PACS2: variants seen among roughly 807,000 people sequenced by gnomAD.
The protein encoded by PACS2 is PACS1-like protein.
PACS2 carries 36 observed loss-of-function variants against 113.0 expected under a neutral mutation model. The observed-to-expected ratio is 0.32, with a 90% CI of 0.24 to 0.42. The LOEUF (loss-of-function observed/expected upper bound fraction) is 0.42, where lower values mean the gene tolerates loss of function less well. Among genes scored for constraint, PACS2 ranks in the 10% least tolerant of loss-of-function variants. The probability of loss-of-function intolerance (pLI) is 1.00; values close to 1 mark genes in which losing one functional copy is unlikely to be tolerated. For missense variants in PACS2, 1,015 were observed against 1,239.5 expected (o/e 0.82, Z 2.72); for synonymous variants, 589 against 536.1 (o/e 1.10, Z -1.36).
At position 105,392,631 on chromosome 14, in the gene PACS2, C is replaced by T. The variant is rs142204036; in HGVS notation, c.2268C>T (p.Gly756=). 15 of 1,607,362 alleles carry T rather than the reference C, an allele frequency of 9.3e-6. No homozygotes were observed. The African/African-American group carries it at 1.5e-4, about 16-fold the overall frequency. Residue 756 remains glycine, a synonymous_variant, in exon 23 of 25, where the codon GGC becomes GGT. Coordinates refer to ENST00000447393, the MANE Select transcript of PACS2 (RefSeq NM_001100913.3). ...CTGCCTTTCCCAGCCAGGGTGTCGG[C>T]GCCGAGCTGATGGGGCTGCAGGTGG... ...GGLSSPSQGV[G]AELMGLQVDY...
intron 1 of PACS2, among the ~76,000 whole-genome samples, chr14:105,302,274 G>T (rs1283998871): frequency 6.6e-6 from 1 of 150,550 alleles, no homozygotes; most frequent in Non-Finnish European, 1.5e-5. Flanking sequence ...TGAGATATCG[G>T]CTCACTGCAA....
intron 1 of PACS2, among the ~76,000 whole-genome samples, chr14:105,303,495 G>A (rs903196347): frequency 7.2e-5 from 11 of 152,126 alleles, no homozygotes; most frequent in African/African-American, 2.7e-4. Context: ...CACCTGTCTC[G>A]CCCTCCCAAA....
Position 105,392,692 on chromosome 14 carries a change from A to C in PACS2, c.2329A>C (p.Arg777=). The change falls in exon 23 of 25, where the codon AGG becomes CGG. Residue 777 remains arginine (R), a synonymous_variant. Transcript: ENST00000447393. ...GGCAGCACAGCCTGCGGACAGGAAG[A>C]GGGACGCCGAGAAGAAGGACCTGCC... ...WTAAQPADRK[R]DAEKKDLPVT... is the part of the protein sequence containing the mutation. 1 of 1,612,848 alleles carries C rather than the reference A, an allele frequency of 6.2e-7. No homozygotes were observed. Among genetic ancestry groups the C allele is most frequent in the Non-Finnish European group, 8.5e-7 (1 of 1,179,942 alleles).
chr14:105,391,281 T>C, intron 21 of PACS2, 32 bp downstream of exon 21: 1 of 1,571,996 alleles, frequency 6.4e-7, no homozygotes, highest in South Asian at 1.1e-5. Context: ...GCCTTGTGAG[T>C]GGCCCGTGGG....
intron 6 of PACS2, 81 bp from the exon 7 acceptor site, chr14:105,368,378 A>G: frequency 8.9e-7 from 1 of 1,118,866 alleles, no homozygotes; most frequent in Non-Finnish European, 1.4e-6. Flanking sequence ...GGCCTCTCCC[A>G]TCGCCCACGC....
At chr14:105,322,736 C>G (rs1797414769) in intron 1 of PACS2, among the ~76,000 whole-genome samples, 1 of 152,146 alleles carries the variant, frequency 6.6e-6, no homozygotes, top group South Asian at 2.1e-4. Context: ...GATGTTGTTA[C>G]TGCTTTATAC....
At chr14:105,379,568 G>T (rs1555411362) in intron 9 of PACS2, among the ~76,000 whole-genome samples, 171 bp from the exon 10 acceptor site, 1 of 152,202 alleles carries the variant, frequency 6.6e-6, no homozygotes, top group Admixed American at 6.5e-5. Context: ...GCCCTGTGCT[G>T]CAGCTGGTGC....
At chr14:105,353,814 G>A (rs782217163) in intron 3 of PACS2, among the ~76,000 whole-genome samples, 1 of 152,056 alleles carries the variant, frequency 6.6e-6, no homozygotes, top group Non-Finnish European at 1.5e-5. Context: ...GGCTGGTCTC[G>A]AACTCCTGAC....
intron 1 of PACS2, among the ~76,000 whole-genome samples, chr14:105,306,292 T>G (rs587595072): frequency 2.5e-4 from 36 of 146,710 alleles, no homozygotes; most frequent in African/African-American, 8.4e-4. Context: ...TTTGGGTTTG[T>G]TTTGTTTTGT....
At position 105,348,075 on chromosome 14, in the gene PACS2, G is replaced by A. The variant is rs1406592178; in HGVS notation, c.120-418G>A. ...GGGGTCCTGGGGTGGGCAGGATTTG[G>A]GGCGGCTGGGCCTGGGGCTGGATAG... On this transcript the variant is annotated intron_variant, in intron 1 of 24. Transcript: ENST00000447393. This position sits in a 1 kb window ranked among gnomAD's most constrained non-coding sequence, Gnocchi z 6.4. 6.6e-6 allele frequency among the ~76,000 whole-genome samples: 1 copy of A among 152,170 alleles called. No homozygotes were observed. Among genetic ancestry groups the A allele is most frequent in the Non-Finnish European group, 1.5e-5 (1 of 68,030 alleles).
At chr14:105,334,525 G>A (rs1454983520) in intron 1 of PACS2, among the ~76,000 whole-genome samples, 1 of 151,944 alleles carries the variant, frequency 6.6e-6, no homozygotes, top group African/African-American at 2.4e-5. Context: ...CAATATGTGC[G>A]TAGAGCTCCA....
In PACS2 at chr14:105,352,420, C is replaced by G; in HGVS notation, c.250C>G (p.Pro84Ala). The change falls in exon 3 of 25, where the codon CCC becomes GCC. Residue 84 changes from proline to alanine, a missense_variant. By Grantham distance (27) the Pro-to-Ala change is conservative. Coordinates refer to ENST00000447393, the MANE Select transcript of PACS2 (RefSeq NM_001100913.3). ...ILRSHEIVLP[P>A]SGQVETDLAL... ...GCGGTCCCATGAGATTGTGCTGCCCCCCAGTGGACAAGTGGAGACAGACCT... is the reference window on the plus strand; with the variant it reads ...GCGGTCCCATGAGATTGTGCTGCCCGCCAGTGGACAAGTGGAGACAGACCT... The G allele has an allele frequency of 1.2e-6, 2 of 1,613,118 alleles. No homozygotes were observed. The highest frequency in any genetic ancestry group is 1.7e-4 in the Middle Eastern group (1 of 6,056).
At chr14:105,375,500 A>G (rs1200387633) in intron 8 of PACS2, among the ~76,000 whole-genome samples, 2 of 151,982 alleles carry the variant, frequency 1.3e-5, no homozygotes, top group Non-Finnish European at 2.9e-5. Flanking sequence ...AAAAAAAAAA[A>G]AAATAGGGAT....
chr14:105,392,161 G>A lies in PACS2; in HGVS notation c.2255+395G>A, dbSNP rs1167240888. 9.8e-5 allele frequency: 32 copies of A among 326,910 alleles called. No homozygotes were observed. In the South Asian group the frequency reaches 1.1e-3, roughly 12 times the overall value. 20.3% of individuals were successfully genotyped at this position (326,910 alleles called of 1,614,324 possible). On this transcript the variant is annotated intron_variant, in intron 22 of 24. Transcript: ENST00000447393. Reference sequence around the variant, plus strand: ...CCCGCTAGCCCGCCCGGGTCTCTCCGGAGCAGACCTCACTCAAGTGGAACT... The same window carrying A: ...CCCGCTAGCCCGCCCGGGTCTCTCCAGAGCAGACCTCACTCAAGTGGAACT...
intron 4 of PACS2, among the ~76,000 whole-genome samples, chr14:105,362,584 C>T (rs1216764021): frequency 6.6e-6 from 1 of 152,000 alleles, no homozygotes; most frequent in Admixed American, 6.6e-5. Context: ...GGCGCAGTGG[C>T]TCACACCTGT....
In PACS2 at chr14:105,376,457, A is replaced by G. The variant is rs1437507921; in HGVS notation, c.802-311A>G. On this transcript the variant is annotated intron_variant, in intron 8 of 24. Transcript: ENST00000447393. This position sits in a 1 kb window ranked among gnomAD's most constrained non-coding sequence, Gnocchi z 4.7. ...CTGTCTTGGTTTTGGTGGTGGCTGCACAGTGGCCCACACCCGTCAGAGCTC... is the reference window on the plus strand; with the variant it reads ...CTGTCTTGGTTTTGGTGGTGGCTGCGCAGTGGCCCACACCCGTCAGAGCTC... Among the ~76,000 whole-genome samples, 1 of 152,092 alleles carries G rather than the reference A, an allele frequency of 6.6e-6. No homozygotes were observed. Among genetic ancestry groups the G allele is most frequent in the African/African-American group, 2.4e-5 (1 of 41,392 alleles).
At chr14:105,314,322 C>G (rs1224001366), upstream of PACS2, 2 of 151,680 alleles carry the variant, frequency 1.3e-5, no homozygotes, top group African/African-American at 2.4e-5. Flanking sequence ...GGGAAAGTGT[C>G]GAGGCCGGGG....
rs903510931 is a variant in PACS2, at chr14:105,322,231, G to A, written c.119+7194G>A. ...GATTACAGGCTGAGCCTCTGTGCCC[G>A]GCCTTTTTTTATTTTTATTTTTTAT... On this transcript the variant is annotated intron_variant, in intron 1 of 24. Coordinates refer to ENST00000447393, the MANE Select transcript of PACS2 (RefSeq NM_001100913.3). 4.1e-5 allele frequency among the ~76,000 whole-genome samples: 6 copies of A among 147,504 alleles called. No homozygotes were observed. The Admixed American group carries it at 4.1e-4, about 10-fold the overall frequency.
rs1030848260 is a variant in PACS2 at position 105,348,730 on chromosome 14, T to G, written c.207+150T>G. 5 of 660,168 alleles carry G rather than the reference T, an allele frequency of 7.6e-6. No homozygotes were observed. The highest frequency in any genetic ancestry group is 7.3e-5 in the Admixed American group (3 of 40,890). The allele number at this position is 660,168 out of a possible 1,614,324, so 40.9% of individuals were successfully genotyped here. A position where few individuals can be genotyped will look rare whatever the true frequency, so the allele number is the denominator to read the frequency against. On this transcript the variant is annotated intron_variant, in intron 2 of 24. Transcript: ENST00000447393. The surrounding 1 kb of genome is among the most constrained non-coding windows in gnomAD (Gnocchi z 6.4). ...CTCCGGGAGCCCGGGGGGCTGGGAA[T>G]GACAGGATGCTCCTGGGTCCAGTCC...
Sources: allele counts gnomAD v4.1 joint callset (sites outside exome capture counted in the v4.1 genomes callset), GRCh38; gene constraint gnomAD v4.1.1; non-coding constraint Gnocchi (gnomAD v3.1); transcripts MANE v1.5; gene names NCBI Gene and HGNC (gene_info 2026-07-23, HGNC 2026-07-21).